Variants in ZNF232 observed in about 807,000 individuals in gnomAD.
ZNF232 encodes the protein zinc finger protein 232, also known as zinc finger and SCAN domain-containing protein 11.
Under a neutral mutation model 25.2 loss-of-function variants are expected in ZNF232, and 25 were observed. That is an observed-to-expected ratio of 0.99 (90% CI 0.72 to 1.39). The LOEUF (loss-of-function observed/expected upper bound fraction) is 1.39. Among genes scored for constraint, ZNF232 ranks in the 40% most tolerant of loss-of-function variants. The pLI, the probability that ZNF232 is intolerant of heterozygous loss-of-function variation, is 0.00. For missense variants in ZNF232, 519 were observed against 520.9 expected (o/e 1.00, Z 0.04); for synonymous variants, 193 against 182.9 (o/e 1.06, Z -0.45).
At chr17:5,111,899 C>T, upstream of ZNF232, 2 of 1,586,178 alleles carry the variant, frequency 1.3e-6, no homozygotes, top group African/African-American at 1.4e-5. Context: ...GTCGCAGCCT[C>T]GGCCTCCAAC....
In ZNF232 at chr17:5,109,240, C is replaced by T. The variant is rs771652704; in HGVS notation, c.498+154G>A. 16 of 1,247,164 alleles carry T rather than the reference C, an allele frequency of 1.3e-5. No homozygotes were observed. The Middle Eastern group carries it at 5.6e-4, about 44-fold the overall frequency. 77.3% of individuals were successfully genotyped at this position (1,247,164 alleles called of 1,614,324 possible). ...TAGAGTCTCTTTCTCATTCAGGGCT[C>T]GAGGGCAGAAAAGACAGACACAGAA... is the stretch of plus-strand genomic sequence containing the variant. On this transcript the variant is annotated intron_variant, in intron 2 of 3. Coordinates refer to ENST00000575898, the Ensembl canonical transcript of ZNF232.
chr17:5,111,711 C>G (rs1597930588), intron 1 of ZNF232, 89 bp downstream of exon 1: 14 of 1,603,064 alleles, frequency 8.7e-6, no homozygotes, highest in Non-Finnish European at 1.2e-5. Flanking sequence ...GCCTGCCAGG[C>G]CTGCTCACTG....
At chr17:5,119,345 T>C (rs2072600824) in intron 1 of ZNF232, among the ~76,000 whole-genome samples, 1 of 152,246 alleles carries the variant, frequency 6.6e-6, no homozygotes. Flanking sequence ...TGGACATTAC[T>C]ACATTAGCTT....
At chr17:5,115,593 A>G (rs2072516234), upstream of ZNF232, among the ~76,000 whole-genome samples, 1 of 138,126 alleles carries the variant, frequency 7.2e-6, no homozygotes, top group Admixed American at 7.2e-5. Flanking sequence ...AAAACGGAAC[A>G]GAGGCAGTTC....
At chr17:5,122,777 C>G (rs761713246) in intron 1 of ZNF232, among the ~76,000 whole-genome samples, 67 of 152,368 alleles carry the variant, frequency 4.4e-4, no homozygotes, top group Non-Finnish European at 7.8e-4. Context: ...CCTCTCAGGT[C>G]CGGTAGGGCG....
At chr17:5,115,106 A>G (rs1202440757), upstream of ZNF232, 1 of 152,144 alleles carries the variant, frequency 6.6e-6, no homozygotes, top group Admixed American at 6.5e-5. Context: ...CCCCACGTCA[A>G]AAGTCAAAGC....
rs149396223 is a variant in ZNF232 at position 5,105,908 on chromosome 17, A to G, written c.1224T>C (p.Cys408=). 1.4e-5 allele frequency: 22 copies of G among 1,614,128 alleles called. No homozygotes were observed. In the African/African-American group the frequency reaches 2.8e-4, roughly 21 times the overall value. ...ATCCATAAGCTTTCCCACATTCTTT[A>G]CATATAAAAGGTTTCTCTCCACTGT... The change falls in exon 4 of 4, where the codon TGT becomes TGC. Residue 408 remains cysteine (C), a synonymous_variant. Coordinates refer to ENST00000575898, the Ensembl canonical transcript of ZNF232.
chr17:5,116,432 A>C (rs1256215900), upstream of ZNF232: 1 of 152,132 alleles, frequency 6.6e-6, no homozygotes, highest in East Asian at 1.9e-4. Context: ...CTTCTGGCCC[A>C]TGTGAGCCGC....
upstream of ZNF232, among the ~76,000 whole-genome samples, chr17:5,115,555 A>AAAACACACACACACAC (rs137912934): frequency 1.3e-5 from 2 of 148,780 alleles, no homozygotes; most frequent in East Asian, 2.0e-4. Flanking sequence ...CGTCTCCAAA[A>AAAACACACACACACAC]ACACACACAC....
At chr17:5,107,426 G>C (rs549257118) in intron 3 of ZNF232, among the ~76,000 whole-genome samples, 1 of 143,874 alleles carries the variant, frequency 7.0e-6, no homozygotes, top group Non-Finnish European at 1.5e-5. Context: ...AAAAGAGTGT[G>C]TTGCCTTTTT....
At chr17:5,106,100 A>G (rs2072254314) in exon 4 of ZNF232, 5 of 1,614,198 alleles carry the variant, frequency 3.1e-6, no homozygotes, top group Middle Eastern at 1.6e-4. Flanking sequence ...TCTCTCCTGT[A>G]TGAATTCTCT....
upstream of ZNF232, chr17:5,113,694 T>C (rs536163672): frequency 2.6e-4 from 40 of 152,384 alleles, no homozygotes; most frequent in African/African-American, 8.2e-4. Flanking sequence ...TTGCAGACTT[T>C]TGGATTAGAT....
chr17:5,119,442 A>G (rs773305644), intron 1 of ZNF232, among the ~76,000 whole-genome samples: 9 of 152,236 alleles, frequency 5.9e-5, no homozygotes, highest in Non-Finnish European at 1.0e-4. Context: ...GTCCTTCTTC[A>G]GCCCCCACTA....
chr17:5,122,149 GT>G (rs2072692232), intron 1 of ZNF232, among the ~76,000 whole-genome samples: 1 of 151,812 alleles, frequency 6.6e-6, no homozygotes, highest in Admixed American at 6.6e-5. Context: ...GGTCGGTGGG[GT>G]GGCAGGGGAA....
chr17:5,112,104 G>A (rs911189056), upstream of ZNF232: 1 of 548,208 alleles, frequency 1.8e-6, no homozygotes, highest in Non-Finnish European at 3.2e-6. Context: ...TTGCGCAGGT[G>A]GAGAGTGAGC....
upstream of ZNF232, chr17:5,112,250 A>G (rs1011894238): frequency 2.3e-5 from 5 of 218,236 alleles, no homozygotes; most frequent in Non-Finnish European, 4.5e-5. Context: ...CATGAGTTCT[A>G]TTTTCCAATT....
At chr17:5,111,101 TTGTCTC>T (rs1161197766) in intron 1 of ZNF232, 34 of 152,348 alleles carry the variant, frequency 2.2e-4, no homozygotes, top group African/African-American at 7.9e-4. Flanking sequence ...CAAATATGCT[TTGTCTC>T]TGGGTGGGTG....
chr17:5,111,885 G>A (rs959192859), upstream of ZNF232: 5 of 1,604,280 alleles, frequency 3.1e-6, no homozygotes, highest in South Asian at 1.1e-5. Flanking sequence ...TTGCGCCTGC[G>A]CAGGTCGCAG....
At chr17:5,108,101 C>G (rs2072305657) in intron 3 of ZNF232, among the ~76,000 whole-genome samples, 1 of 152,182 alleles carries the variant, frequency 6.6e-6, no homozygotes, top group African/African-American at 2.4e-5. Context: ...ATCTCCATTT[C>G]TATTTTTTCC....
Sources: allele counts gnomAD v4.1 joint callset (sites outside exome capture counted in the v4.1 genomes callset), GRCh38; gene constraint gnomAD v4.1.1; transcripts MANE v1.5; gene names NCBI Gene and HGNC (gene_info 2026-07-23, HGNC 2026-07-21).